Variants in EHMT1 observed in about 807,000 individuals in gnomAD.
EHMT1 encodes histone-lysine N-methyltransferase EHMT1.
A neutral mutation model predicts 147.2 loss-of-function variants in EHMT1; 15 were observed. The ratio of observed to expected loss-of-function variants is 0.10; its 90% CI spans 0.07 to 0.16. EHMT1 has a LOEUF of 0.16. Ranked by LOEUF, EHMT1 falls within the 10% of genes least tolerant of loss-of-function variation. The pLI, the probability that EHMT1 is intolerant of heterozygous loss-of-function variation, is 1.00. For missense variants in EHMT1, 1,587 were observed against 1,772.4 expected (o/e 0.90, Z 1.88); for synonymous variants, 795 against 709.6 (o/e 1.12, Z -1.91).
At chr9:137,740,686 A>G (rs73574124) in intron 4 of EHMT1, among the ~76,000 whole-genome samples, 7,711 of 152,286 alleles carry the variant, frequency 0.051, 643 homozygotes, top group African/African-American at 0.17. Context: ...TGTGTAGCAA[A>G]TTTTATACCT....
In EHMT1 at chr9:137,835,074, C is replaced by T; in HGVS notation, c.*121C>T. ...CCTTCGGGGCTGCGCCGCCGGCTTC[C>T]TGGAGGGGTCGGAGGTGAGGCTGCA... On this transcript the variant is annotated 3_prime_UTR_variant, in exon 27 of 27. Coordinates refer to ENST00000460843, the MANE Select transcript of EHMT1 (RefSeq NM_024757.5). The T allele has an allele frequency of 1.7e-6, 2 of 1,201,368 alleles. No homozygotes were observed. Among genetic ancestry groups the T allele is most frequent in the South Asian group, 2.0e-5 (1 of 50,384 alleles). The allele number at this position is 1,201,368 out of a possible 1,614,324, so 74.4% of individuals were successfully genotyped here. A position where few individuals can be genotyped will look rare whatever the true frequency, so the allele number is the denominator to read the frequency against.
At chr9:137,734,528 G>A (rs2135898774) in intron 4 of EHMT1, among the ~76,000 whole-genome samples, 1 of 152,366 alleles carries the variant, frequency 6.6e-6, no homozygotes, top group East Asian at 1.9e-4. Flanking sequence ...GGGATTGTGG[G>A]AGTCCAGGAA....
chr9:137,653,206 G>A (rs1274269043), intron 1 of EHMT1, among the ~76,000 whole-genome samples: 1 of 151,974 alleles, frequency 6.6e-6, no homozygotes, highest in Non-Finnish European at 1.5e-5. Flanking sequence ...TTTTTATACT[G>A]TATTTTTATT....
chr9:137,804,456 T>C (rs1250019399), intron 18 of EHMT1, among the ~76,000 whole-genome samples: 1 of 152,244 alleles, frequency 6.6e-6, no homozygotes, highest in African/African-American at 2.4e-5. Flanking sequence ...AATATTTTTC[T>C]TGCTTATTAT....
chr9:137,709,545 C>T (rs1944516691), intron 1 of EHMT1, among the ~76,000 whole-genome samples: 1 of 152,200 alleles, frequency 6.6e-6, no homozygotes, highest in Non-Finnish European at 1.5e-5. Flanking sequence ...GCAGTAGGCA[C>T]ATCCGGGCTC....
chr9:137,677,380 C>T (rs1331863552), intron 1 of EHMT1, among the ~76,000 whole-genome samples: 1 of 152,156 alleles, frequency 6.6e-6, no homozygotes, highest in Non-Finnish European at 1.5e-5. Context: ...AGGGATCTGC[C>T]TACCTCGTCC....
In EHMT1 at chr9:137,786,246, G is replaced by A. The variant is rs1951956877; in HGVS notation, c.2382+3849G>A. On this transcript the variant is annotated intron_variant, in intron 15 of 26. Transcript: ENST00000460843. The surrounding 1 kb of genome is among the most constrained non-coding windows in gnomAD (Gnocchi z 4.3). ...GGGGTCTGACCAGTCTGGAACTTCGGGTTAAATTCCTAGCCTGATGTTTAA... is the reference window on the plus strand; with the variant it reads ...GGGGTCTGACCAGTCTGGAACTTCGAGTTAAATTCCTAGCCTGATGTTTAA... The A allele has an allele frequency of 6.6e-6, 1 of 152,174 alleles. No individual in the cohort carries two copies. Among genetic ancestry groups the A allele is most frequent in the African/African-American group, 2.4e-5 (1 of 41,422 alleles). 9.4% of individuals were successfully genotyped at this position (152,174 alleles called of 1,614,324 possible).
rs1011899256 is a variant in EHMT1 at position 137,732,636 on chromosome 9, A to G, written c.823+4107A>G. ...TTGATTGGCTAAAAGGCATCAAGGA[A>G]GTTCTCACTCCAGGTTGTGGATTCT... is the stretch of plus-strand genomic sequence containing the variant. On this transcript the variant is annotated intron_variant, in intron 4 of 26. Coordinates refer to ENST00000460843, the MANE Select transcript of EHMT1 (RefSeq NM_024757.5). This position sits in a 1 kb window ranked among gnomAD's most constrained non-coding sequence, Gnocchi z 4.6. Among the ~76,000 whole-genome samples the G allele has an allele frequency of 1.3e-5, 2 of 152,206 alleles. No homozygotes were observed. Among genetic ancestry groups the G allele is most frequent in the African/African-American group, 2.4e-5 (1 of 41,450 alleles).
chr9:137,721,559 A>ACGCCTCTCATCCTCTCCCT, intron 3 of EHMT1, among the ~76,000 whole-genome samples: 1 of 89,062 alleles, frequency 1.1e-5, no homozygotes, highest in Non-Finnish European at 2.3e-5. Flanking sequence ...ACCTTCTCCC[A>ACGCCTCTCATCCTCTCCCT]CGCCTCTCAT....
At chr9:137,628,046 G>T (rs1237722108) in intron 1 of EHMT1, among the ~76,000 whole-genome samples, 1 of 152,150 alleles carries the variant, frequency 6.6e-6, no homozygotes, top group Non-Finnish European at 1.5e-5. Context: ...TAAACGTCTG[G>T]TGTCTTGTGG....
rs903583839 is a variant in EHMT1 at position 137,776,192 on chromosome 9, G to C, written c.1792-426G>C. 6.6e-6 allele frequency among the ~76,000 whole-genome samples: 1 copy of C among 152,178 alleles called. No individual in the cohort carries two copies. Among genetic ancestry groups the C allele is most frequent in the Non-Finnish European group, 1.5e-5 (1 of 68,034 alleles). On this transcript the variant is annotated intron_variant, in intron 11 of 26. Coordinates refer to ENST00000460843, the MANE Select transcript of EHMT1 (RefSeq NM_024757.5). The surrounding 1 kb of genome is among the most constrained non-coding windows in gnomAD (Gnocchi z 4.4). ...GTGTGCCCCTCCTCGAGGCTCACCTGGGTCGCCAAACCACATCTGCTGCGC... is the reference window on the plus strand; with the variant it reads ...GTGTGCCCCTCCTCGAGGCTCACCTCGGTCGCCAAACCACATCTGCTGCGC...
Position 137,724,314 on chromosome 9 carries a change from G to T in EHMT1, c.643-4035G>T, listed in dbSNP as rs553502969. Among the ~76,000 whole-genome samples, 253 of 152,244 alleles carry T rather than the reference G, an allele frequency of 1.7e-3. 2 individuals are homozygous for T. The highest frequency in any genetic ancestry group is 6.8e-3 in the Middle Eastern group (2 of 294). ...CAGGAGGGAGGAGCCTCAGCGAAGG[G>T]GCCTCCCGCCCCCACAGGAGGGAAG... On this transcript the variant is annotated intron_variant, in intron 3 of 26. Coordinates refer to ENST00000460843, the MANE Select transcript of EHMT1 (RefSeq NM_024757.5).
intron 1 of EHMT1, among the ~76,000 whole-genome samples, chr9:137,702,101 T>G (rs1315497540): frequency 1.3e-5 from 2 of 152,170 alleles, no homozygotes; most frequent in Non-Finnish European, 2.9e-5. Context: ...GCCTAATTTT[T>G]GTATTTTTAA....
chr9:137,684,603 T>C (rs1274301599), intron 1 of EHMT1, among the ~76,000 whole-genome samples: 2 of 152,126 alleles, frequency 1.3e-5, no homozygotes, highest in Non-Finnish European at 2.9e-5. Context: ...GCAATCCTAC[T>C]ACCTTAGCCT....
In EHMT1 at chr9:137,813,069, G is replaced by A. The variant is rs1343974100; in HGVS notation, c.2931G>A (p.Gln977=). ...LKNKEGETPL[Q]CASLNSQVWS... The stretch of plus-strand genomic sequence containing the variant: ...ACAAGGAAGGAGAGACGCCCCTGCA[G>A]TGTGCGAGCCTCAACTCTCAGGTGT... Residue 977 remains glutamine, a synonymous_variant, in exon 20 of 27, where the codon CAG becomes CAA. Coordinates refer to ENST00000460843, the MANE Select transcript of EHMT1 (RefSeq NM_024757.5). This position sits in a 1 kb window ranked among gnomAD's most constrained non-coding sequence, Gnocchi z 4.9. The A allele has an allele frequency of 6.2e-7, 1 of 1,613,890 alleles. No homozygotes were observed. The highest frequency in any genetic ancestry group is 1.1e-5 in the South Asian group (1 of 91,088).
intron 6 of EHMT1, among the ~76,000 whole-genome samples, chr9:137,745,155 T>C (rs2136081424): frequency 6.6e-6 from 1 of 152,350 alleles, no homozygotes; most frequent in African/African-American, 2.4e-5. Context: ...AGTGACTTAC[T>C]GGAAAATGCA....
At chr9:137,831,248 A>T (rs999984438) in intron 25 of EHMT1, among the ~76,000 whole-genome samples, 2 of 152,216 alleles carry the variant, frequency 1.3e-5, no homozygotes, top group Non-Finnish European at 2.9e-5. Context: ...ATCGAGAAAA[A>T]ATACTCAAGT....
At position 137,682,410 on chromosome 9, in the gene EHMT1, T is replaced by C. The variant is rs112053672; in HGVS notation, c.22-28557T>C. Among the ~76,000 whole-genome samples the C allele has an allele frequency of 1.6e-4, 25 of 152,322 alleles. 1 individual carries two copies. The highest frequency in any genetic ancestry group is 5.8e-4 in the African/African-American group (24 of 41,572). ...GAGTTTATTATTTTTGATGGAAAAT[T>C]TATGATTTCTAAGAAGTCATTTTTT... On this transcript the variant is annotated intron_variant, in intron 1 of 26. Coordinates refer to ENST00000460843, the MANE Select transcript of EHMT1 (RefSeq NM_024757.5).
At chr9:137,758,107 CTAG>C (rs1167739652) in intron 9 of EHMT1, 96 bp downstream of exon 9, 1 of 1,537,374 alleles carries the variant, frequency 6.5e-7, no homozygotes, top group Non-Finnish European at 9.0e-7. Flanking sequence ...TTGGTGGACA[CTAG>C]TAGAAGATCG....
Sources: allele counts gnomAD v4.1 joint callset (sites outside exome capture counted in the v4.1 genomes callset), GRCh38; gene constraint gnomAD v4.1.1; non-coding constraint Gnocchi (gnomAD v3.1); transcripts MANE v1.5; gene names NCBI Gene and HGNC (gene_info 2026-07-23, HGNC 2026-07-21).